CIT: variants seen among roughly 807,000 people sequenced by gnomAD.
CIT encodes the protein citron rho-interacting serine/threonine kinase, also known as citron Rho-interacting kinase.
Under a neutral mutation model 272.7 loss-of-function variants are expected in CIT, and 79 were observed. The ratio of observed to expected loss-of-function variants is 0.29; its 90% CI spans 0.24 to 0.35. The LOEUF is 0.35. CIT is among the 10% of genes least tolerant of loss of function. The probability of loss-of-function intolerance (pLI) is 1.00; values close to 1 mark genes in which losing one functional copy is unlikely to be tolerated. For synonymous variants in CIT, 948 were observed against 995.6 expected (o/e 0.95, Z 0.90); for missense variants, 1,909 against 2,618.3 (o/e 0.73, Z 5.91).
At chr12:119,747,549 G>A (rs1959611687) in intron 23 of CIT, among the ~76,000 whole-genome samples, 1 of 151,460 alleles carries the variant, frequency 6.6e-6, no homozygotes, top group African/African-American at 2.4e-5. Context: ...TGAAACCCGT[G>A]ACTCACTAAA....
chr12:119,734,535 C>T, intron 25 of CIT, 178 bp from the exon 26 acceptor site: 2 of 662,786 alleles, frequency 3.0e-6, no homozygotes, highest in Middle Eastern at 2.8e-4. Flanking sequence ...GCCAGTTCTG[C>T]AGCCACCTTA....
At chr12:119,796,076 C>T (rs992056636) in intron 10 of CIT, among the ~76,000 whole-genome samples, 1 of 152,168 alleles carries the variant, frequency 6.6e-6, no homozygotes, top group Admixed American at 6.5e-5. Context: ...ACAGCTTGGC[C>T]AGACAACACT....
intron 25 of CIT, among the ~76,000 whole-genome samples, chr12:119,734,824 A>T (rs548016543): frequency 2.0e-5 from 3 of 151,420 alleles, no homozygotes; most frequent in Admixed American, 6.6e-5. Context: ...TTTTATTTTT[A>T]TTTTTTTTAA....
intron 22 of CIT, among the ~76,000 whole-genome samples, chr12:119,754,592 G>A (rs995116480): frequency 4.6e-5 from 7 of 152,330 alleles, no homozygotes; most frequent in East Asian, 1.9e-4. Context: ...AAGAGCTAAC[G>A]CTGCACACAC....
intron 10 of CIT, among the ~76,000 whole-genome samples, chr12:119,786,012 G>C (rs1426868689): frequency 6.6e-6 from 1 of 151,990 alleles, no homozygotes; most frequent in Non-Finnish European, 1.5e-5. Flanking sequence ...TGCATACCTG[G>C]TTCTGTTTGA....
chr12:119,842,388 CAAAAAAA>C (rs58634070), intron 5 of CIT, among the ~76,000 whole-genome samples: 43 of 71,526 alleles, frequency 6.0e-4, no homozygotes, highest in African/African-American at 1.9e-3. Flanking sequence ...GACTGCATCT[CAAAAAAA>C]AAAAAAAAAA....
intron 18 of CIT, 77 bp from the exon 19 acceptor site, chr12:119,767,259 C>T: frequency 1.7e-6 from 2 of 1,160,366 alleles, no homozygotes; most frequent in East Asian, 2.5e-5. Flanking sequence ...TCACAGGAAA[C>T]ATGACTTTGG....
At chr12:119,793,056 T>A (rs1965454496) in intron 10 of CIT, among the ~76,000 whole-genome samples, 1 of 152,182 alleles carries the variant, frequency 6.6e-6, no homozygotes, top group Admixed American at 6.5e-5. Flanking sequence ...AGTCAGAGTC[T>A]GTCTAGCTTT....
chr12:119,718,391 G>A lies in CIT; in HGVS notation c.4022C>T (p.Thr1341Met), dbSNP rs536084112. ...AREEAAHRKA[T>M]DHPHPSTPAT... ...TGGCGTGGATGGGTGTGGGTGGTCC[G>A]TTGCTTTGCGGTGGGCAGCTGCAGA... is the stretch of plus-strand genomic sequence containing the variant. Residue 1341 changes from threonine to methionine, a missense_variant, in exon 32 of 48, where the codon ACG becomes ATG. Thr to Met is a moderately conservative substitution (Grantham distance 81). This residue lies in a region of CIT where 780 missense variants were observed against 1,067.2 expected (regional missense o/e 0.73). Coordinates refer to ENST00000392521, the MANE Select transcript of CIT (RefSeq NM_001206999.2). This position sits in a 1 kb window ranked among gnomAD's most constrained non-coding sequence, Gnocchi z 4.8. 54 of 1,612,854 alleles carry A rather than the reference G, an allele frequency of 3.3e-5. No individual in the cohort carries two copies. The highest frequency in any genetic ancestry group is 1.7e-4 in the Admixed American group (10 of 59,892).
chr12:119,691,709 T>A (rs1955960685), intron 46 of CIT, among the ~76,000 whole-genome samples: 1 of 152,204 alleles, frequency 6.6e-6, no homozygotes, highest in South Asian at 2.1e-4. Context: ...AATGAAGATT[T>A]CAGCAGACCC....
chr12:119,721,226 C>G (rs930087332), intron 29 of CIT, 83 bp downstream of exon 29: 11 of 1,323,488 alleles, frequency 8.3e-6, no homozygotes, highest in Non-Finnish European at 1.1e-5. Context: ...CTCAGCCTCC[C>G]GAAGTGCTGG....
At chr12:119,748,828 C>T (rs775952749) in intron 23 of CIT, among the ~76,000 whole-genome samples, 1 of 152,148 alleles carries the variant, frequency 6.6e-6, no homozygotes, top group Non-Finnish European at 1.5e-5. Context: ...GAGGCCTGGC[C>T]GGTGCACACA....
In CIT at chr12:119,702,312, GT is replaced by G. The variant is rs567117371; in HGVS notation, c.5305-355del. Among the ~76,000 whole-genome samples, 10 of 152,100 alleles carry G rather than the reference GT, an allele frequency of 6.6e-5. No homozygotes were observed. The South Asian group carries it at 2.1e-3, about 32-fold the overall frequency. ...TCTCAGGATGAACAGTGATCCATTT[GT>G]TTTCTCTTCCTATTGTTCCATGCAA... On this transcript the variant is annotated intron_variant, in intron 41 of 47. Coordinates refer to ENST00000392521, the MANE Select transcript of CIT (RefSeq NM_001206999.2).
rs968428235 is a variant in CIT at position 119,738,815 on chromosome 12, G to A, written c.2959-3458C>T. 5.3e-5 allele frequency among the ~76,000 whole-genome samples: 8 copies of A among 151,532 alleles called. No homozygotes were observed. In the East Asian group the frequency reaches 1.2e-3, roughly 22 times the overall value. On this transcript the variant is annotated intron_variant, in intron 24 of 47. Coordinates refer to ENST00000392521, the MANE Select transcript of CIT (RefSeq NM_001206999.2). The stretch of plus-strand genomic sequence containing the variant: ...GGAGAATCACTTGAACCTGGGAGGC[G>A]GAGGTTGTGGTGAGCCAAGATCACG...
At chr12:119,825,078 G>A (rs1191604686) in intron 8 of CIT, 87 bp downstream of exon 8, 11 of 1,190,806 alleles carry the variant, frequency 9.2e-6, no homozygotes, top group Non-Finnish European at 1.3e-5. Context: ...GGGATTACAG[G>A]CATGAGCCAC....
intron 9 of CIT, among the ~76,000 whole-genome samples, chr12:119,818,593 A>T (rs1025670697): frequency 2.0e-5 from 3 of 152,248 alleles, no homozygotes; most frequent in Non-Finnish European, 4.4e-5. Flanking sequence ...TGCCGGATGG[A>T]AACAAAGTGT....
chr12:119,688,200 C>T lies in CIT; in HGVS notation c.*32G>A. The T allele has an allele frequency of 1.2e-6, 2 of 1,607,788 alleles. No homozygotes were observed. The highest frequency in any genetic ancestry group is 1.7e-6 in the Non-Finnish European group (2 of 1,174,244). Reference sequence around the variant, plus strand: ...GTGTGTTTGGTGTTTTCCTGCAGATCAAGATGAGGAGTTGGTTTTTCTGGC... The same window carrying T: ...GTGTGTTTGGTGTTTTCCTGCAGATTAAGATGAGGAGTTGGTTTTTCTGGC... On this transcript the variant is annotated 3_prime_UTR_variant, in exon 48 of 48. Transcript: ENST00000392521.
chr12:119,782,410 C>T, intron 13 of CIT, 108 bp downstream of exon 13: 1 of 1,328,806 alleles, frequency 7.5e-7, no homozygotes, highest in Non-Finnish European at 1.0e-6. Flanking sequence ...TGCCCCCACC[C>T]TTTCTCTCTC....
chr12:119,773,827 T>C (rs796829606), intron 16 of CIT, among the ~76,000 whole-genome samples: 1 of 152,214 alleles, frequency 6.6e-6, no homozygotes, highest in African/African-American at 2.4e-5. Flanking sequence ...AGCAGAGTTC[T>C]AGATGGAGAC....
Sources: allele counts gnomAD v4.1 joint callset (sites outside exome capture counted in the v4.1 genomes callset), GRCh38; gene constraint gnomAD v4.1.1; regional missense constraint gnomAD v4.1.1; non-coding constraint Gnocchi (gnomAD v3.1); transcripts MANE v1.5; gene names NCBI Gene and HGNC (gene_info 2026-07-23, HGNC 2026-07-21).